The following SPTBN4 variants were observed in gnomAD, a reference collection of about 807,000 sequenced individuals.
SPTBN4 encodes the protein spectrin beta, non-erythrocytic 4, also known as spectrin beta chain, non-erythrocytic 4.
A neutral mutation model predicts 277.8 loss-of-function variants in SPTBN4; 96 were observed. The ratio of observed to expected loss-of-function variants is 0.35; its 90% confidence interval spans 0.29 to 0.41. SPTBN4 has a LOEUF of 0.41. Ranked by LOEUF, SPTBN4 falls within the 10% of genes least tolerant of loss-of-function variation. The pLI is 1.00. For synonymous variants in SPTBN4, 1,481 were observed against 1,580.3 expected, an observed-to-expected ratio of 0.94 and a Z score of 1.49; for missense variants, 3,006 against 3,595.7, an observed-to-expected ratio of 0.84 and a Z score of 4.19.
At chr19:40,531,846 G>A (rs1409194796) in intron 18 of SPTBN4, among the ~76,000 whole-genome samples, 1 of 151,982 alleles carries the variant, frequency 6.6e-6, no homozygotes, top group Non-Finnish European at 1.5e-5. Context: ...TTTTGGGGTA[G>A]ACTGGTTTGG....
In SPTBN4 at chr19:40,519,973, C is replaced by T. The variant is rs747455892; in HGVS notation, c.3476C>T (p.Ala1159Val). ...GCGGCCAGCGAGGCGCTGCTGGCCG[C>T]CGACGGCGCAGAGCTGGGCCCGGGC... ...IVAASEALLA[A>V]DGAELGPGLA... is the part of the protein sequence containing the mutation. Residue 1159 changes from alanine to valine, a missense_variant, in exon 16 of 36, where the codon GCC becomes GTC. Physicochemically the swap from Ala to Val is moderately conservative, Grantham distance 64 (BLOSUM62 0). Coordinates refer to ENST00000598249, the MANE Select transcript of SPTBN4 (RefSeq NM_020971.3). This position sits in a 1 kb window ranked among gnomAD's most constrained non-coding sequence, Gnocchi z 5.7. The T allele has an allele frequency of 6.5e-7, 1 of 1,542,228 alleles. No homozygotes were observed. Among genetic ancestry groups the T allele is most frequent in the East Asian group, 2.4e-5 (1 of 41,384 alleles).
In SPTBN4 at chr19:40,513,020, T is replaced by C; in HGVS notation, c.2231T>C (p.Leu744Pro). The change falls in exon 14 of 36, where the codon CTG (leucine) becomes CCG (proline). Residue 744 changes from leucine (L) to proline (P), a missense_variant. By Grantham distance (98) the Leu-to-Pro change is moderately conservative. Transcript: ENST00000598249. ...GCAGACACCGTGCACCTGGTAGGCC[T>C]GGCGGAGCGCGCGGCGAGCGCCCGG... ...PGADTVHLVGLAERAASARRR... is the reference protein window; with the variant it reads ...PGADTVHLVGPAERAASARRR... The C allele has an allele frequency of 7.0e-7, 1 of 1,424,642 alleles. No homozygotes were observed. The allele number at this position is 1,424,642 out of a possible 1,614,324, so 88.3% of individuals were successfully genotyped here. A position where few individuals can be genotyped will look rare whatever the true frequency, so the allele number is the denominator to read the frequency against.
At chr19:40,545,726 G>T (rs1050347799) in intron 20 of SPTBN4, among the ~76,000 whole-genome samples, 8 of 151,874 alleles carry the variant, frequency 5.3e-5, no homozygotes, top group African/African-American at 1.7e-4. Flanking sequence ...TGGCCAACAT[G>T]GTGAAACCCC....
chr19:40,565,315 T>G (rs1599817847), intron 27 of SPTBN4, 108 bp from the exon 28 acceptor site: 1 of 1,263,298 alleles, frequency 7.9e-7, no homozygotes, highest in Admixed American at 2.3e-5. Context: ...TGTCTTGAGG[T>G]GGTATGGGAT....
intron 13 of SPTBN4, among the ~76,000 whole-genome samples, chr19:40,509,537 G>A (rs988971694): frequency 2.0e-5 from 3 of 152,140 alleles, no homozygotes; most frequent in Non-Finnish European, 4.4e-5. Context: ...GAGGCACTGC[G>A]CTTGGCCTGT....
chr19:40,513,672 C>A, intron 14 of SPTBN4, 118 bp downstream of exon 14: 1 of 1,086,706 alleles, frequency 9.2e-7, no homozygotes, highest in Non-Finnish European at 1.3e-6. Context: ...ATCCCTGCTT[C>A]ACCCATAGCC....
chr19:40,575,435 G>A lies in SPTBN4; in HGVS notation c.7561G>A (p.Ala2521Thr), dbSNP rs1416083912. 1 of 1,613,366 alleles carries A rather than the reference G, an allele frequency of 6.2e-7. No homozygotes were observed. Among genetic ancestry groups the A allele is most frequent in the Non-Finnish European group, 8.5e-7 (1 of 1,179,838 alleles). Residue 2521 changes from alanine to threonine, a missense_variant, in exon 36 of 36, where the codon GCT (alanine) becomes ACT (threonine). By Grantham distance (58) the Ala-to-Thr change is moderately conservative. This residue lies in a region of SPTBN4 where 630 missense variants were observed against 677.6 expected (regional missense o/e 0.93). Transcript: ENST00000598249. ...DEEEMNGWLE[A>T]VASSVAEHAE... ...GGAGGAGATGAACGGCTGGCTGGAG[G>A]CTGTAGCTTCCTCGGTGGCGGAACA...
chr19:40,522,995 A>G (rs1039675638), intron 16 of SPTBN4, among the ~76,000 whole-genome samples: 4 of 152,044 alleles, frequency 2.6e-5, no homozygotes, highest in African/African-American at 9.7e-5. Flanking sequence ...TTAGCCGGGC[A>G]TGGTGGTATG....
At chr19:40,517,890 G>A (rs746394227) in intron 15 of SPTBN4, among the ~76,000 whole-genome samples, 1 of 152,168 alleles carries the variant, frequency 6.6e-6, no homozygotes, top group South Asian at 2.1e-4. Flanking sequence ...ACTTGAACTC[G>A]GGTCTGCCTG....
Position 40,534,520 on chromosome 19 carries a change from C to T in SPTBN4, c.4359+177C>T, listed in dbSNP as rs527749169. 7.6e-6 allele frequency: 6 copies of T among 785,712 alleles called. No individual in the cohort carries two copies. In the South Asian group the frequency reaches 1.1e-4, roughly 15 times the overall value. The allele number at this position is 785,712 out of a possible 1,614,324, so 48.7% of individuals were successfully genotyped here. On this transcript the variant is annotated intron_variant, in intron 20 of 35. Transcript: ENST00000598249. Reference sequence around the variant, plus strand: ...TCCAGCTAGTAATAACTGTTGGAAGCAGCCACCACTCCCTAAGGTATGGAG... The same window carrying T: ...TCCAGCTAGTAATAACTGTTGGAAGTAGCCACCACTCCCTAAGGTATGGAG...
At chr19:40,505,325 G>C (rs2080313084) in intron 12 of SPTBN4, among the ~76,000 whole-genome samples, 2 of 146,622 alleles carry the variant, frequency 1.4e-5, no homozygotes, top group Admixed American at 7.0e-5. Context: ...TTGAGGCTGT[G>C]TGAGCCATGA....
chr19:40,550,474 C>A (rs1890739157), intron 22 of SPTBN4, 147 bp downstream of exon 22: 7 of 649,984 alleles, frequency 1.1e-5, no homozygotes, highest in Non-Finnish European at 1.8e-5. Context: ...TATCCAGGTG[C>A]TTCCATATAT....
chr19:40,548,796 C>CT (rs1047772413), intron 20 of SPTBN4, among the ~76,000 whole-genome samples: 1 of 151,794 alleles, frequency 6.6e-6, no homozygotes, highest in African/African-American at 2.4e-5. Context: ...TGGACAAATT[C>CT]TTTAACTTCT....
At chr19:40,472,981 G>A (rs1308145792) in intron 2 of SPTBN4, among the ~76,000 whole-genome samples, 191 bp downstream of exon 2, 2 of 152,196 alleles carry the variant, frequency 1.3e-5, no homozygotes, top group African/African-American at 4.8e-5. Context: ...TTGAATGCTA[G>A]AAATGTGGCC....
chr19:40,549,246 ACGGCGGCGCTGC>A lies in SPTBN4; in HGVS notation c.4420_4431del (p.Ala1474_Pro1477del). On this transcript the variant is annotated inframe_deletion, in exon 21 of 36. Transcript: ENST00000598249. ...CGAGGTGGGAGAGCTGCAGGCGCAG[ACGGCGGCGCTGC>A]CGCTGGAGCCGGCGAGCAAGGAGCT... 6.5e-7 allele frequency: 1 copy of A among 1,547,658 alleles called. No homozygotes were observed. Among genetic ancestry groups the A allele is most frequent in the Non-Finnish European group, 8.7e-7 (1 of 1,147,022 alleles).
At chr19:40,529,176 C>G (rs2080631209) in intron 18 of SPTBN4, 45 bp downstream of exon 18, 103 of 1,365,592 alleles carry the variant, frequency 7.5e-5, no homozygotes, top group Non-Finnish European at 9.8e-5. Context: ...CCCCTTTAGT[C>G]GGGAGGGAAG....
intron 1 of SPTBN4, among the ~76,000 whole-genome samples, chr19:40,469,257 A>T (rs2079857935): frequency 6.6e-6 from 1 of 151,494 alleles, no homozygotes; most frequent in African/African-American, 2.4e-5. Context: ...CTCCTTTGTT[A>T]GTCTTTTTTT....
chr19:40,541,345 G>C (rs1461016886), intron 20 of SPTBN4, among the ~76,000 whole-genome samples: 1 of 152,184 alleles, frequency 6.6e-6, no homozygotes, highest in African/African-American at 2.4e-5. Context: ...CCAGAGGCAG[G>C]CTCCAGCACG....
At chr19:40,547,993 C>G (rs1290037259) in intron 20 of SPTBN4, among the ~76,000 whole-genome samples, 1 of 152,138 alleles carries the variant, frequency 6.6e-6, no homozygotes, top group Non-Finnish European at 1.5e-5. Flanking sequence ...GTTTTCAGTA[C>G]AAACAGCAAG....
Sources: gnomAD v4.1 joint callset for allele counts (sites outside exome capture counted in the v4.1 genomes callset) on GRCh38, gnomAD v4.1.1 for gene constraint, gnomAD v4.1.1 regional missense constraint, Gnocchi (gnomAD v3.1) non-coding constraint, MANE v1.5 for transcripts, NCBI Gene and HGNC (gene_info 2026-07-23, HGNC 2026-07-21) for gene names.